The following GLIS3 variants were observed in gnomAD, a reference collection of about 807,000 sequenced individuals.
GLIS3 encodes the protein zinc finger protein GLIS3.
GLIS3 carries 53 observed loss-of-function variants against 78.6 expected under a neutral mutation model. The observed-to-expected ratio is 0.67, with a 90% CI of 0.54 to 0.85. The LOEUF is 0.85. GLIS3 is among the 40% of genes least tolerant of loss of function. The pLI, the probability that GLIS3 is intolerant of heterozygous loss-of-function variation, is 0.00. For missense variants in GLIS3, 1,703 were observed against 1,231.1 expected (o/e 1.38, Z -5.74); for synonymous variants, 684 against 509.9 (o/e 1.34, Z -4.60).
intron 4 of GLIS3, among the ~76,000 whole-genome samples, chr9:4,042,748 G>A (rs1020095597): frequency 2.0e-5 from 3 of 152,006 alleles, no homozygotes; most frequent in African/African-American, 2.4e-5. Context: ...ATAAACAAAT[G>A]GCAGTATTCT....
At chr9:4,135,070 G>T (rs1015261418) in intron 2 of GLIS3, among the ~76,000 whole-genome samples, 1 of 151,964 alleles carries the variant, frequency 6.6e-6, no homozygotes, top group Non-Finnish European at 1.5e-5. Flanking sequence ...ATTTATTGTG[G>T]GTCCCCTCAT....
At position 4,284,136 on chromosome 9, in the gene GLIS3, G is replaced by T. The variant is rs945160860; in HGVS notation, c.388+1902C>A. Among the ~76,000 whole-genome samples the T allele has an allele frequency of 2.6e-5, 4 of 152,178 alleles. No homozygotes were observed. In the East Asian group the frequency reaches 7.7e-4, roughly 29 times the overall value. Reference sequence around the variant, plus strand: ...GTATTCCCAAGCTCCTTACTGGCTGGTGCCTCTGAAGTTACTTACTCTTTC... The same window carrying T: ...GTATTCCCAAGCTCCTTACTGGCTGTTGCCTCTGAAGTTACTTACTCTTTC... On this transcript the variant is annotated intron_variant, in intron 2 of 10. Transcript: ENST00000381971.
At chr9:4,201,353 G>GA (rs565352766) in intron 2 of GLIS3, among the ~76,000 whole-genome samples, 1 of 151,876 alleles carries the variant, frequency 6.6e-6, no homozygotes, top group Non-Finnish European at 1.5e-5. Context: ...ACAAGAGAAA[G>GA]AAAAAAAGGC....
At chr9:4,472,634 C>T in the GLIS3 span, among the ~76,000 whole-genome samples, 1 of 151,924 alleles carries the variant, frequency 6.6e-6, no homozygotes, top group Non-Finnish European at 1.5e-5. Context: ...GGAGGGATAG[C>T]ATTAGGAGAT....
the GLIS3 span, among the ~76,000 whole-genome samples, chr9:4,396,017 C>A: frequency 2.0e-5 from 3 of 151,894 alleles, 1 homozygote; most frequent in African/African-American, 7.3e-5. Flanking sequence ...CATGATCCAC[C>A]TGCCTCGGCC....
chr9:4,387,881 T>C, the GLIS3 span, among the ~76,000 whole-genome samples: 7,754 of 152,298 alleles, frequency 0.051, 580 homozygotes, highest in African/African-American at 0.16. Context: ...GAATTTGTTA[T>C]AGAACCTTTC....
chr9:4,267,530 T>C (rs1287928995), intron 2 of GLIS3, among the ~76,000 whole-genome samples: 2 of 152,210 alleles, frequency 1.3e-5, no homozygotes, highest in South Asian at 2.1e-4. Context: ...AACAAGTCTT[T>C]AATCTCTTTG....
chr9:4,444,573 G>A, the GLIS3 span, among the ~76,000 whole-genome samples: 1 of 152,202 alleles, frequency 6.6e-6, no homozygotes, highest in African/African-American at 2.4e-5. Flanking sequence ...ACACCTGGCT[G>A]CTGACATGAC....
At chr9:4,183,111 AC>A (rs1365401655) in intron 2 of GLIS3, among the ~76,000 whole-genome samples, 24 of 152,336 alleles carry the variant, frequency 1.6e-4, no homozygotes, top group African/African-American at 5.3e-4. Context: ...GACTGAAAAG[AC>A]AGCTATCTTT....
At chr9:3,836,684 G>A (rs1031959360) in intron 9 of GLIS3, among the ~76,000 whole-genome samples, 2 of 152,144 alleles carry the variant, frequency 1.3e-5, no homozygotes, top group African/African-American at 2.4e-5. Context: ...CTCGCTCCTT[G>A]GTTTAGGGAC....
intron 7 of GLIS3, among the ~76,000 whole-genome samples, chr9:3,897,332 C>CTGTT (rs1822923571): frequency 6.6e-6 from 1 of 152,058 alleles, no homozygotes; most frequent in South Asian, 2.1e-4. Flanking sequence ...GCTTTATAGG[C>CTGTT]TGTTTAAAAT....
At chr9:4,251,980 A>T (rs1251733542) in intron 2 of GLIS3, among the ~76,000 whole-genome samples, 5 of 152,192 alleles carry the variant, frequency 3.3e-5, no homozygotes. Flanking sequence ...ATCTGCTGTT[A>T]GTCTGATGGG....
chr9:3,923,151 A>T (rs1327618070), intron 6 of GLIS3, among the ~76,000 whole-genome samples: 1 of 152,198 alleles, frequency 6.6e-6, no homozygotes, highest in East Asian at 1.9e-4. Flanking sequence ...ATGCCAACCA[A>T]ACTAATTGCC....
intron 2 of GLIS3, among the ~76,000 whole-genome samples, chr9:4,312,569 T>A (rs1033230531): frequency 6.6e-6 from 1 of 152,274 alleles, no homozygotes; most frequent in African/African-American, 2.4e-5. Context: ...ACAGTATAGT[T>A]ATACATATGA....
the GLIS3 span, among the ~76,000 whole-genome samples, chr9:4,454,683 T>C: frequency 6.6e-6 from 1 of 152,210 alleles, no homozygotes; most frequent in African/African-American, 2.4e-5. Context: ...CTCTCCTCTA[T>C]TGCAGGGAAT....
chr9:4,391,423 A>G, the GLIS3 span, among the ~76,000 whole-genome samples: 8 of 152,108 alleles, frequency 5.3e-5, no homozygotes, highest in Non-Finnish European at 1.2e-4. Flanking sequence ...ATAACAGTAG[A>G]CTTTTTTTCT....
chr9:4,225,242 T>A (rs928669223), intron 2 of GLIS3, among the ~76,000 whole-genome samples: 5 of 152,164 alleles, frequency 3.3e-5, no homozygotes, highest in African/African-American at 1.2e-4. Flanking sequence ...TTGACTCTCA[T>A]ATACTTCGCT....
chr9:3,918,239 T>A (rs1824651029), intron 6 of GLIS3, among the ~76,000 whole-genome samples: 1 of 152,348 alleles, frequency 6.6e-6, no homozygotes, highest in Middle Eastern at 3.4e-3. Flanking sequence ...CTGGGATTAG[T>A]GTTTGGCTGT....
chr9:4,375,125 T>C, the GLIS3 span, among the ~76,000 whole-genome samples: 1,298 of 152,302 alleles, frequency 8.5e-3, 25 homozygotes, highest in African/African-American at 0.029. Context: ...CTGTTCTTAG[T>C]CATTTCCCAC....
Sources: gnomAD v4.1 joint callset for allele counts (sites outside exome capture counted in the v4.1 genomes callset) on GRCh38, gnomAD v4.1.1 for gene constraint, MANE v1.5 for transcripts, NCBI Gene and HGNC (gene_info 2026-07-23, HGNC 2026-07-21) for gene names.